EFHC2: variants seen among roughly 807,000 people sequenced by gnomAD.
EFHC2 encodes EF-hand domain containing 2, also known as EF-hand domain-containing family member C2.
Under a neutral mutation model 52.7 loss-of-function variants are expected in EFHC2, and 18 were observed. The observed-to-expected ratio is 0.34, with a 90% CI of 0.24 to 0.51. The LOEUF is 0.51. EFHC2 is among the 20% of genes least tolerant of loss of function. EFHC2 has a pLI of 0.97. For synonymous variants in EFHC2, 203 were observed against 204.1 expected (o/e 0.99, Z 0.04); for missense variants, 513 against 562.5 (o/e 0.91, Z 0.89).
intron 2 of EFHC2, among the ~76,000 whole-genome samples, chrX:44,295,773 C>G (rs1385147853): frequency 9.0e-6 from 1 of 111,007 alleles, no homozygotes; most frequent in African/African-American, 3.3e-5. Flanking sequence ...TGGCAGTTCT[C>G]TTATTTGTGT....
At position 44,275,756 on chromosome X, in the gene EFHC2, A is replaced by T. The variant is rs1322468931; in HGVS notation, c.232-2920T>A. The stretch of plus-strand genomic sequence containing the variant: ...TGGAGAAACCCCGTCTCTACTAAAA[A>T]TACAAAAATTAGCCGTGCGTGCTGG... On this transcript the variant is annotated intron_variant, in intron 2 of 14. Coordinates refer to ENST00000420999, the MANE Select transcript of EFHC2 (RefSeq NM_025184.4). Among the ~76,000 whole-genome samples the T allele has an allele frequency of 2.8e-5, 3 of 108,266 alleles. No homozygotes were observed. In the East Asian group the frequency reaches 8.8e-4, roughly 32 times the overall value. 94.0% of individuals were successfully genotyped at this position (108,266 alleles called of 115,157 possible). A position where few individuals can be genotyped will look rare whatever the true frequency, so the allele number is the denominator to read the frequency against.
intron 12 of EFHC2, 139 bp downstream of exon 12, chrX:44,178,228 T>C (rs2036805347): frequency 1.9e-6 from 1 of 538,902 alleles, no homozygotes; most frequent in Non-Finnish European, 2.9e-6. Flanking sequence ...TGATTTAAGG[T>C]GTTTGTGCTA....
chrX:44,327,205 A>G (rs1188158233), intron 1 of EFHC2, among the ~76,000 whole-genome samples: 1 of 111,796 alleles, frequency 8.9e-6, no homozygotes, highest in African/African-American at 3.2e-5. Flanking sequence ...ATCAGGATTG[A>G]ATTGTTACTT....
intron 11 of EFHC2, among the ~76,000 whole-genome samples, chrX:44,222,180 T>G (rs1362174297): frequency 9.0e-6 from 1 of 111,271 alleles, no homozygotes; most frequent in Non-Finnish European, 1.9e-5. Context: ...AATCCAAGAA[T>G]TACCTAGTCT....
intron 13 of EFHC2, among the ~76,000 whole-genome samples, chrX:44,175,945 A>G (rs899865163): frequency 8.9e-6 from 1 of 112,316 alleles, no homozygotes. Flanking sequence ...CTGCATGTCT[A>G]TAGCTATCAG....
intron 1 of EFHC2, among the ~76,000 whole-genome samples, chrX:44,332,338 C>T (rs1269320975): frequency 9.0e-6 from 1 of 110,580 alleles, no homozygotes; most frequent in African/African-American, 3.3e-5. Flanking sequence ...CACCCCCAAC[C>T]CCAAAAAAAT....
chrX:44,161,536 C>T (rs1274893899), intron 14 of EFHC2, among the ~76,000 whole-genome samples: 5 of 111,529 alleles, frequency 4.5e-5, no homozygotes, highest in Admixed American at 3.8e-4. Flanking sequence ...TCCTTTCACC[C>T]TCTACTCTCC....
intron 3 of EFHC2, 143 bp downstream of exon 3, chrX:44,272,543 T>C: frequency 3.5e-6 from 2 of 564,673 alleles, no homozygotes; most frequent in Non-Finnish European, 5.4e-6. Flanking sequence ...AACTACACGC[T>C]AATGGCATGT....
intron 11 of EFHC2, chrX:44,225,666 A>G (rs2147316605): frequency 8.9e-6 from 1 of 112,478 alleles, no homozygotes; most frequent in South Asian, 3.7e-4. Flanking sequence ...AACATTTTAC[A>G]AGAATATTAT....
At chrX:44,340,657 T>TCAAAAAA (rs2038146788) in intron 1 of EFHC2, among the ~76,000 whole-genome samples, 1 of 105,993 alleles carries the variant, frequency 9.4e-6, no homozygotes, top group African/African-American at 3.4e-5. Flanking sequence ...AGACTCCGTC[T>TCAAAAAA]AAAAAAAAAA....
At chrX:44,330,204 C>T (rs1332767791) in intron 1 of EFHC2, among the ~76,000 whole-genome samples, 3 of 109,440 alleles carry the variant, frequency 2.7e-5, no homozygotes, top group South Asian at 7.9e-4. Flanking sequence ...TGCAGTGAGC[C>T]GAGATTGTGC....
chrX:44,200,411 A>G (rs2036998052), intron 11 of EFHC2, among the ~76,000 whole-genome samples: 1 of 111,551 alleles, frequency 9.0e-6, no homozygotes, highest in South Asian at 3.7e-4. Context: ...GATGTTTAAA[A>G]TTATTAAAGA....
intron 14 of EFHC2, among the ~76,000 whole-genome samples, chrX:44,162,193 C>A (rs1449266710): frequency 9.0e-6 from 1 of 111,698 alleles, no homozygotes; most frequent in Non-Finnish European, 1.9e-5. Context: ...GAGGTCAAGG[C>A]AGGCAGATCA....
chrX:44,254,111 G>A (rs1308288388), intron 4 of EFHC2, among the ~76,000 whole-genome samples: 3 of 112,133 alleles, frequency 2.7e-5, no homozygotes, highest in Non-Finnish European at 5.6e-5. Context: ...AACTCCATCC[G>A]AAGGTCAACA....
At chrX:44,168,519 G>A (rs185720439) in intron 13 of EFHC2, among the ~76,000 whole-genome samples, 15 of 105,910 alleles carry the variant, frequency 1.4e-4, no homozygotes, top group African/African-American at 4.6e-4. Context: ...GCGACAGAGC[G>A]AGACTCCGTC....
At chrX:44,150,973 C>T (rs1364531289) in intron 14 of EFHC2, among the ~76,000 whole-genome samples, 2 of 110,733 alleles carry the variant, frequency 1.8e-5, no homozygotes, top group African/African-American at 6.6e-5. Flanking sequence ...TATAAAAAGA[C>T]AGCCAGGTAA....
intron 4 of EFHC2, 134 bp from the exon 5 acceptor site, chrX:44,250,579 T>C (rs1030279964): frequency 1.3e-4 from 100 of 774,494 alleles, no homozygotes; most frequent in Middle Eastern, 4.7e-4. Flanking sequence ...AATCCCAGCA[T>C]TTTGGGAGGC....
At chrX:44,277,823 T>C (rs1275717554) in intron 2 of EFHC2, among the ~76,000 whole-genome samples, 1 of 110,445 alleles carries the variant, frequency 9.1e-6, no homozygotes, top group Non-Finnish European at 1.9e-5. Flanking sequence ...CTCCTCATAA[T>C]TGTACCAAAA....
rs758954823 is a variant in EFHC2, at chrX:44,276,241, A to G, written c.232-3405T>C. ...AGTTCTAGACCAGCCTGGGTGACAC[A>G]TGGGTCCCTGTCTCTCCAACAATTT... On this transcript the variant is annotated intron_variant, in intron 2 of 14. Transcript: ENST00000420999. Among the ~76,000 whole-genome samples the G allele has an allele frequency of 6.6e-4, 73 of 111,183 alleles. 2 individuals carry two copies. The highest frequency in any genetic ancestry group is 5.8e-4 in the Admixed American group (6 of 10,405).
Sources: allele counts gnomAD v4.1 joint callset (sites outside exome capture counted in the v4.1 genomes callset), GRCh38; gene constraint gnomAD v4.1.1; transcripts MANE v1.5; gene names NCBI Gene and HGNC (gene_info 2026-07-23, HGNC 2026-07-21).